The following RAB6A variants were observed in gnomAD, a reference collection of about 807,000 sequenced individuals.
RAB6A encodes the protein ras-related protein Rab-6A.
Under a neutral mutation model 32.3 loss-of-function variants are expected in RAB6A, and 8 were observed. The observed-to-expected ratio is 0.25, with a 90% confidence interval of 0.15 to 0.45. The LOEUF is 0.45. Ranked by LOEUF, RAB6A falls within the 20% of genes least tolerant of loss-of-function variation. The pLI is 1.00. For synonymous variants in RAB6A, 73 were observed against 82.1 expected, an observed-to-expected ratio of 0.89 and a Z score of 0.60; for missense variants, 104 against 249.4, an observed-to-expected ratio of 0.42 and a Z score of 3.93.
At chr11:73,760,055 G>A (rs1375180139) in intron 1 of RAB6A, 6 of 1,289,310 alleles carry the variant, frequency 4.7e-6, no homozygotes, top group Admixed American at 2.3e-5. Context: ...CACCTTCCAC[G>A]ACATCAGCAC....
intron 2 of RAB6A, chr11:73,729,402 C>G (rs1039316009): frequency 6.6e-6 from 1 of 152,144 alleles, no homozygotes; most frequent in Admixed American, 6.6e-5. Context: ...CCCAGTCAAC[C>G]CTTTTTATTT....
intron 6 of RAB6A, among the ~76,000 whole-genome samples, chr11:73,685,524 T>C (rs934485152): frequency 2.8e-5 from 4 of 142,712 alleles, no homozygotes; most frequent in Admixed American, 1.5e-4. Flanking sequence ...CCTGAGCTCA[T>C]GATCCGCCTG....
intron 1 of RAB6A, among the ~76,000 whole-genome samples, chr11:73,748,296 C>A (rs1260747501): frequency 6.6e-6 from 1 of 152,022 alleles, no homozygotes; most frequent in East Asian, 1.9e-4. Context: ...AACAGTATCC[C>A]AAAAATAAAG....
At chr11:73,725,816 A>T (rs1425641345) in intron 2 of RAB6A, among the ~76,000 whole-genome samples, 2 of 152,212 alleles carry the variant, frequency 1.3e-5, no homozygotes, top group East Asian at 3.9e-4. Flanking sequence ...AAGCTAAAAA[A>T]GGAGAAAGGT....
chr11:73,727,222 A>T (rs965549793), intron 2 of RAB6A, among the ~76,000 whole-genome samples: 17 of 152,106 alleles, frequency 1.1e-4, no homozygotes, highest in African/African-American at 3.9e-4. Context: ...GAGCCTGAGT[A>T]CAAGACTTAG....
At chr11:73,746,697 G>T (rs1946593515) in intron 1 of RAB6A, among the ~76,000 whole-genome samples, 1 of 151,798 alleles carries the variant, frequency 6.6e-6, no homozygotes, top group South Asian at 2.1e-4. Context: ...GACTGAGGCT[G>T]CAGTGAGCAG....
rs994127544 is a variant in RAB6A at position 73,760,650 on chromosome 11, A to C, written c.-15T>G. The C allele has an allele frequency of 6.2e-7, 1 of 1,603,594 alleles. No individual in the cohort carries two copies. Among genetic ancestry groups the C allele is most frequent in the South Asian group, 1.1e-5 (1 of 89,474 alleles). ...CCCGTGGACATTGTGGAACTAGAGG[A>C]GCGGCCGCCGCCTCAGCCTAGAGAC... On this transcript the variant is annotated 5_prime_UTR_variant, in exon 1 of 8. Coordinates refer to ENST00000336083, the MANE Select transcript of RAB6A (RefSeq NM_198896.2).
intron 6 of RAB6A, among the ~76,000 whole-genome samples, chr11:73,706,212 A>G (rs543842382): frequency 4.5e-4 from 69 of 152,280 alleles, no homozygotes; most frequent in African/African-American, 1.6e-3. Flanking sequence ...GATCACCCTC[A>G]ATTAAGAAAA....
At chr11:73,741,154 C>T (rs962922418) in intron 1 of RAB6A, among the ~76,000 whole-genome samples, 2 of 151,858 alleles carry the variant, frequency 1.3e-5, no homozygotes, top group East Asian at 1.9e-4. Context: ...CCCCCACCCC[C>T]CCAACAGAGT....
chr11:73,707,915 A>G (rs1296936323), intron 5 of RAB6A, among the ~76,000 whole-genome samples: 1 of 152,200 alleles, frequency 6.6e-6, no homozygotes, highest in East Asian at 1.9e-4. Flanking sequence ...AAAACAAAAC[A>G]AAAAACGCTT....
chr11:73,686,353 C>G (rs1393170171), intron 6 of RAB6A, among the ~76,000 whole-genome samples: 4 of 151,932 alleles, frequency 2.6e-5, no homozygotes, highest in African/African-American at 9.7e-5. Context: ...GTCAGGAGTT[C>G]GACCAGCTTG....
intron 6 of RAB6A, among the ~76,000 whole-genome samples, chr11:73,702,383 G>A (rs1000009512): frequency 1.3e-5 from 2 of 152,178 alleles, no homozygotes; most frequent in African/African-American, 4.8e-5. Flanking sequence ...TGTTGACCAG[G>A]ATGGTTTTGA....
At chr11:73,753,855 T>C (rs1946706025) in intron 1 of RAB6A, among the ~76,000 whole-genome samples, 1 of 152,204 alleles carries the variant, frequency 6.6e-6, no homozygotes, top group South Asian at 2.1e-4. Flanking sequence ...CATGCTATAT[T>C]GTATTAAGTA....
chr11:73,705,638 T>C (rs1035028514), intron 6 of RAB6A, among the ~76,000 whole-genome samples: 1 of 152,136 alleles, frequency 6.6e-6, no homozygotes, highest in African/African-American at 2.4e-5. Flanking sequence ...TGTCTTAGAA[T>C]AGTGGCATAT....
rs1258987627 is a variant in RAB6A, at chr11:73,692,481, C to T, written c.496-12761G>A. Among the ~76,000 whole-genome samples, 19 of 117,280 alleles carry T rather than the reference C, an allele frequency of 1.6e-4. No individual in the cohort carries two copies. The East Asian group carries it at 2.5e-3, about 15-fold the overall frequency. The allele number at this position is 117,280 out of a possible 152,430, so 76.9% of individuals were successfully genotyped here. A position where few individuals can be genotyped will look rare whatever the true frequency, so the allele number is the denominator to read the frequency against. ...TTGCGCCACTGCACTCCGGCCTGAGCGACAGAGTGAGACTCTGTCTCAAAA... is the reference window on the plus strand; with the variant it reads ...TTGCGCCACTGCACTCCGGCCTGAGTGACAGAGTGAGACTCTGTCTCAAAA... On this transcript the variant is annotated intron_variant, in intron 6 of 7. Coordinates refer to ENST00000336083, the MANE Select transcript of RAB6A (RefSeq NM_198896.2).
chr11:73,688,265 C>A (rs1431694688), intron 6 of RAB6A, among the ~76,000 whole-genome samples: 1 of 152,190 alleles, frequency 6.6e-6, no homozygotes, highest in East Asian at 1.9e-4. Flanking sequence ...AAAAAGATTA[C>A]TAAATATCCT....
intron 2 of RAB6A, among the ~76,000 whole-genome samples, chr11:73,724,300 G>A (rs1946184041): frequency 6.6e-6 from 1 of 152,098 alleles, no homozygotes; most frequent in Admixed American, 6.5e-5. Context: ...AAGTACATTT[G>A]TTGATATACA....
At chr11:73,758,113 T>G (rs1341650250) in intron 1 of RAB6A, among the ~76,000 whole-genome samples, 1 of 146,652 alleles carries the variant, frequency 6.8e-6, no homozygotes, top group Non-Finnish European at 1.5e-5. Flanking sequence ...AAGAGTTACA[T>G]CAAAAGGACA....
At chr11:73,681,648 A>C (rs1033486212) in intron 6 of RAB6A, among the ~76,000 whole-genome samples, 2 of 152,198 alleles carry the variant, frequency 1.3e-5, no homozygotes, top group Admixed American at 6.5e-5. Context: ...GTCTCTACTA[A>C]GAATACAAAA....
Sources: allele counts gnomAD v4.1 joint callset (sites outside exome capture counted in the v4.1 genomes callset), GRCh38; gene constraint gnomAD v4.1.1; transcripts MANE v1.5; gene names NCBI Gene and HGNC (gene_info 2026-07-23, HGNC 2026-07-21).